The following GLUD1 variants were observed in gnomAD, a reference collection of about 807,000 sequenced individuals.
GLUD1 encodes the protein glutamate dehydrogenase 1.
In GLUD1, 22 loss-of-function variants were observed where a neutral mutation model predicts 56.0. That is an observed-to-expected ratio of 0.39 (90% confidence interval 0.28 to 0.56). GLUD1 has a LOEUF of 0.56. GLUD1 is among the 20% of genes least tolerant of loss of function. GLUD1 has a pLI of 0.58. For synonymous variants in GLUD1, 223 were observed against 269.9 expected, an observed-to-expected ratio of 0.83 and a Z score of 1.70; for missense variants, 451 against 732.0, an observed-to-expected ratio of 0.62 and a Z score of 4.43.
In GLUD1 at chr10:87,060,254, C is replaced by T; in HGVS notation, c.1198-13G>A. 6.3e-7 allele frequency: 1 copy of T among 1,579,836 alleles called. No homozygotes were observed. Among genetic ancestry groups the T allele is most frequent in the Non-Finnish European group, 8.7e-7 (1 of 1,148,722 alleles). ...CTTCAGCAATGATCTGCAAGAGAGTCAGGAACATAGAGAAATGCGAACACC... is the reference window on the plus strand; with the variant it reads ...CTTCAGCAATGATCTGCAAGAGAGTTAGGAACATAGAGAAATGCGAACACC... On this transcript the variant is annotated splice_polypyrimidine_tract_variant and intron_variant, in intron 8 of 12. Coordinates refer to ENST00000277865, the MANE Select transcript of GLUD1 (RefSeq NM_005271.5).
At chr10:87,079,989 C>T (rs1422953025) in intron 1 of GLUD1, among the ~76,000 whole-genome samples, 1 of 148,602 alleles carries the variant, frequency 6.7e-6, no homozygotes, top group Non-Finnish European at 1.5e-5. Flanking sequence ...TGATGCCGAG[C>T]GGAAGCTGGA....
intron 11 of GLUD1, among the ~76,000 whole-genome samples, chr10:87,055,959 C>T (rs1169190808): frequency 6.6e-6 from 1 of 151,056 alleles, no homozygotes; most frequent in African/African-American, 2.4e-5. Flanking sequence ...ACTAAAAATA[C>T]AAAAAAATTA....
chr10:87,075,339 A>G (rs1265554495), intron 3 of GLUD1, among the ~76,000 whole-genome samples: 1 of 152,236 alleles, frequency 6.6e-6, no homozygotes, highest in South Asian at 2.1e-4. Context: ...GGGTATAAGT[A>G]TATAAGTGAA....
chr10:87,091,491 G>A (rs548329108), intron 1 of GLUD1: 29 of 204,412 alleles, frequency 1.4e-4, no homozygotes, highest in Non-Finnish European at 2.2e-4. Flanking sequence ...CAAATCAGTC[G>A]CATATTCTCA....
rs746392351 is a variant in GLUD1, at chr10:87,094,655, C to T, written c.115G>A (p.Ala39Thr). The T allele has an allele frequency of 6.3e-7, 1 of 1,592,502 alleles. No homozygotes were observed. Among genetic ancestry groups the T allele is most frequent in the Non-Finnish European group, 8.5e-7 (1 of 1,170,304 alleles). ...LLGWARGQPAAAPQPGLALAA... is the reference protein window; with the variant it reads ...LLGWARGQPATAPQPGLALAA... Reference sequence around the variant, plus strand: ...AATGCCAGCCCCGGCTGCGGGGCGGCGGCGGGCTGTCCCCGGGCCCAGCCC... The same window carrying T: ...AATGCCAGCCCCGGCTGCGGGGCGGTGGCGGGCTGTCCCCGGGCCCAGCCC... The change falls in exon 1 of 13, where the codon GCC becomes ACC. Residue 39 changes from alanine to threonine, a missense_variant. Coordinates refer to ENST00000277865, the MANE Select transcript of GLUD1 (RefSeq NM_005271.5). This position sits in a 1 kb window ranked among gnomAD's most constrained non-coding sequence, Gnocchi z 6.6.
At position 87,094,826 on chromosome 10, in the gene GLUD1, C is replaced by T; in HGVS notation, c.-57G>A. On this transcript the variant is annotated 5_prime_UTR_variant, in exon 1 of 13. Coordinates refer to ENST00000277865, the MANE Select transcript of GLUD1 (RefSeq NM_005271.5). This position sits in a 1 kb window ranked among gnomAD's most constrained non-coding sequence, Gnocchi z 6.6. Reference sequence around the variant, plus strand: ...CGCGAAACAGGCGCGCTTTCTCAGACTCCCCGCGACTAGGGAGGAAGGGTC... The same window carrying T: ...CGCGAAACAGGCGCGCTTTCTCAGATTCCCCGCGACTAGGGAGGAAGGGTC... 1 of 1,332,412 alleles carries T rather than the reference C, an allele frequency of 7.5e-7. No homozygotes were observed. Among genetic ancestry groups the T allele is most frequent in the Non-Finnish European group, 1.0e-6 (1 of 972,738 alleles). The allele number at this position is 1,332,412 out of a possible 1,614,324, so 82.5% of individuals were successfully genotyped here. A position where few individuals can be genotyped will look rare whatever the true frequency, so the allele number is the denominator to read the frequency against.
intron 5 of GLUD1, among the ~76,000 whole-genome samples, chr10:87,063,702 C>T (rs955362810): frequency 1.3e-5 from 2 of 151,600 alleles, no homozygotes; most frequent in African/African-American, 4.8e-5. Context: ...ACATGACATT[C>T]AAGTTCATCT....
Position 87,094,279 on chromosome 10 carries a change from C to T in GLUD1, c.445+46G>A. 2 of 1,554,280 alleles carry T rather than the reference C, an allele frequency of 1.3e-6. No individual in the cohort carries two copies. Among genetic ancestry groups the T allele is most frequent in the Non-Finnish European group, 1.7e-6 (2 of 1,149,286 alleles). On this transcript the variant is annotated intron_variant, in intron 1 of 12. Transcript: ENST00000277865. This position sits in a 1 kb window ranked among gnomAD's most constrained non-coding sequence, Gnocchi z 6.6. ...CCGGCAGGAGGCCGGAGGGGAGGGC[C>T]GCAGGGGAGGCAGGGAGGGCGGGAC... is the stretch of plus-strand genomic sequence containing the variant.
chr10:87,094,781 G>C lies in GLUD1; in HGVS notation c.-12C>G. On this transcript the variant is annotated 5_prime_UTR_variant, in exon 1 of 13. Coordinates refer to ENST00000277865, the MANE Select transcript of GLUD1 (RefSeq NM_005271.5). The surrounding 1 kb of genome is among the most constrained non-coding windows in gnomAD (Gnocchi z 6.6). The stretch of plus-strand genomic sequence containing the variant: ...AGGTAGCGGTACATGGCCACAAGCG[G>C]AGGGGAGGTGCGTGATGGTCGCGAA... The C allele has an allele frequency of 6.5e-7, 1 of 1,530,542 alleles. No individual in the cohort carries two copies. 94.8% of individuals were successfully genotyped at this position (1,530,542 alleles called of 1,614,324 possible).
chr10:87,069,858 G>A (rs7896946), intron 4 of GLUD1, among the ~76,000 whole-genome samples: 5,070 of 21,658 alleles, frequency 0.23, 277 homozygotes, highest in African/African-American at 0.51. Flanking sequence ...AGTCAATGAC[G>A]ACAACAACAA....
At chr10:87,073,228 T>C (rs1003731072) in intron 4 of GLUD1, among the ~76,000 whole-genome samples, 1 of 152,170 alleles carries the variant, frequency 6.6e-6, no homozygotes, top group African/African-American at 2.4e-5. Context: ...AGTGGCACAA[T>C]CATAGCTCAC....
At chr10:87,086,832 GAAAAAAAAA>G (rs367807316) in intron 1 of GLUD1, among the ~76,000 whole-genome samples, 2 of 70,420 alleles carry the variant, frequency 2.8e-5, no homozygotes, top group Non-Finnish European at 6.2e-5. Context: ...CCGTCTCAAA[GAAAAAAAAA>G]AAAAAAAAAA....
chr10:87,091,510 C>T (rs569763095), intron 1 of GLUD1: 2 of 289,042 alleles, frequency 6.9e-6, no homozygotes, highest in African/African-American at 4.5e-5. Context: ...CACACTATGC[C>T]CCTTTGCTGG....
In GLUD1 at chr10:87,064,884, G is replaced by A. The variant is rs151048962; in HGVS notation, c.742-2049C>T. ...CCAACTGCCAGGCTCCCCAGCATAC[G>A]TAATGGTCCTGAAAGCCCAGAGAAG... On this transcript the variant is annotated intron_variant, in intron 5 of 12. Transcript: ENST00000277865. Among the ~76,000 whole-genome samples the A allele has an allele frequency of 3.1e-3, 473 of 152,260 alleles. 6 individuals carry two copies. The highest frequency in any genetic ancestry group is 0.017 in the Admixed American group (257 of 15,300).
intron 10 of GLUD1, 39 bp from the exon 11 acceptor site, chr10:87,057,821 G>T: frequency 2.2e-5 from 16 of 722,498 alleles, no homozygotes; most frequent in Non-Finnish European, 2.8e-5. Flanking sequence ...ATTGCTAACA[G>T]AAAAAAAAAA....
At chr10:87,076,473 T>C (rs529042722) in intron 2 of GLUD1, 103 bp downstream of exon 2, 103 of 794,376 alleles carry the variant, frequency 1.3e-4, no homozygotes, top group Non-Finnish European at 1.9e-4. Context: ...TGAAAAAAAA[T>C]CAGTTCTGAT....
At position 87,094,527 on chromosome 10, in the gene GLUD1, C is replaced by T. The variant is rs1841664526; in HGVS notation, c.243G>A (p.Val81=). 4 of 1,612,898 alleles carry T rather than the reference C, an allele frequency of 2.5e-6. No individual in the cohort carries two copies. Among genetic ancestry groups the T allele is most frequent in the Non-Finnish European group, 3.4e-6 (4 of 1,179,960 alleles). Reference sequence around the variant, plus strand: ...TCAGGTCCTCCACCAGCTTGTCCTCCACGATGCTGGCGCCGCGATCGAAGA... The same window carrying T: ...TCAGGTCCTCCACCAGCTTGTCCTCTACGATGCTGGCGCCGCGATCGAAGA... ...EGFFDRGASI[V]EDKLVEDLRT... The change falls in exon 1 of 13, where the codon GTG becomes GTA. Residue 81 remains valine (V), a synonymous_variant. Coordinates refer to ENST00000277865, the MANE Select transcript of GLUD1 (RefSeq NM_005271.5). This position sits in a 1 kb window ranked among gnomAD's most constrained non-coding sequence, Gnocchi z 6.6.
chr10:87,094,599 C>A lies in GLUD1; in HGVS notation c.171G>T (p.Val57=). ...AGTTGGGGTCGTCCTCGCGGTCGGC[C>A]ACCGCCTCGCTGTAGTGGCGCCGGG... ...LAARRHYSEA[V]ADREDDPNFF... Residue 57 remains valine (V), a synonymous_variant, in exon 1 of 13, where the codon GTG becomes GTT. Coordinates refer to ENST00000277865, the MANE Select transcript of GLUD1 (RefSeq NM_005271.5). The surrounding 1 kb of genome is among the most constrained non-coding windows in gnomAD (Gnocchi z 6.6). 6.2e-7 allele frequency: 1 copy of A among 1,610,976 alleles called. No individual in the cohort carries two copies. Among genetic ancestry groups the A allele is most frequent in the Non-Finnish European group, 8.5e-7 (1 of 1,179,734 alleles).
chr10:87,068,179 G>A, intron 4 of GLUD1, 22 bp from the exon 5 acceptor site: 1 of 1,455,482 alleles, frequency 6.9e-7, no homozygotes, highest in Non-Finnish European at 9.7e-7. Flanking sequence ...CAGGGAAAGA[G>A]GAGTGCACCA....
Sources: allele counts gnomAD v4.1 joint callset (sites outside exome capture counted in the v4.1 genomes callset), GRCh38; gene constraint gnomAD v4.1.1; non-coding constraint Gnocchi (gnomAD v3.1); transcripts MANE v1.5; gene names NCBI Gene and HGNC (gene_info 2026-07-23, HGNC 2026-07-21).